CNOT10: variants seen among roughly 807,000 people sequenced by gnomAD.
The protein encoded by CNOT10 is CCR4-NOT transcription complex subunit 10.
CNOT10 carries 30 observed loss-of-function variants against 94.6 expected under a neutral mutation model. The observed-to-expected ratio is 0.32, with a 90% CI of 0.24 to 0.43. The LOEUF (loss-of-function observed/expected upper bound fraction) is 0.43, where lower values mean the gene tolerates loss of function less well. Among genes scored for constraint, CNOT10 ranks in the 20% least tolerant of loss-of-function variants. CNOT10 has a pLI of 1.00. For synonymous variants in CNOT10, 289 were observed against 301.6 expected (o/e 0.96, Z 0.43); for missense variants, 759 against 877.2 (o/e 0.87, Z 1.70).
At chr3:32,751,019 G>GA (rs1344914392) in intron 13 of CNOT10, among the ~76,000 whole-genome samples, 1 of 152,036 alleles carries the variant, frequency 6.6e-6, no homozygotes. Context: ...TAACAGAACT[G>GA]AAAAAGGTAG....
At chr3:32,716,699 G>A (rs1213108432) in intron 6 of CNOT10, among the ~76,000 whole-genome samples, 1 of 152,186 alleles carries the variant, frequency 6.6e-6, no homozygotes, top group Non-Finnish European at 1.5e-5. Flanking sequence ...CCAAGCTGCA[G>A]TGCAATGGTG....
intron 13 of CNOT10, among the ~76,000 whole-genome samples, chr3:32,743,906 C>T (rs115944161): frequency 0.011 from 1,657 of 152,032 alleles, 13 homozygotes; most frequent in Admixed American, 0.015. Context: ...GGAATGCCGT[C>T]ATCATAAAGT....
At chr3:32,718,540 C>T (rs1377569095) in intron 7 of CNOT10, among the ~76,000 whole-genome samples, 5 of 138,680 alleles carry the variant, frequency 3.6e-5, no homozygotes, top group African/African-American at 1.1e-4. Flanking sequence ...GCCGAGACCG[C>T]GCCACTGCAC....
intron 13 of CNOT10, among the ~76,000 whole-genome samples, chr3:32,738,466 T>C (rs1456545302): frequency 9.4e-6 from 1 of 106,686 alleles, no homozygotes; most frequent in African/African-American, 3.5e-5. Flanking sequence ...TTTATATTTC[T>C]TTTTTTTTTT....
At chr3:32,728,553 G>C (rs1197715532) in intron 10 of CNOT10, among the ~76,000 whole-genome samples, 1 of 151,916 alleles carries the variant, frequency 6.6e-6, no homozygotes, top group Non-Finnish European at 1.5e-5. Context: ...GTGGAGGTTG[G>C]AGTGAGACCA....
intron 1 of CNOT10, among the ~76,000 whole-genome samples, chr3:32,698,218 C>G (rs1697169034): frequency 6.6e-6 from 1 of 152,208 alleles, no homozygotes; most frequent in African/African-American, 2.4e-5. Flanking sequence ...TAACTCTTAG[C>G]TTTTCCTCCT....
At chr3:32,772,512 A>T (rs1416001016) in intron 18 of CNOT10, among the ~76,000 whole-genome samples, 1 of 151,862 alleles carries the variant, frequency 6.6e-6, no homozygotes, top group African/African-American at 2.4e-5. Context: ...ATATAGTGAG[A>T]CCCTGTCTCT....
rs1396482171 is a variant in CNOT10, at chr3:32,687,525, C to T, written c.22+2043C>T. On this transcript the variant is annotated intron_variant, in intron 1 of 18. Coordinates refer to ENST00000328834, the MANE Select transcript of CNOT10 (RefSeq NM_015442.3). The stretch of plus-strand genomic sequence containing the variant: ...GGAGTGCAGTGGTGCGATATCGGCT[C>T]ATTGCAAGCTCCGCCTCCCGGGTTC... 2.4e-5 allele frequency among the ~76,000 whole-genome samples: 3 copies of T among 127,222 alleles called. No individual in the cohort carries two copies. The East Asian group carries it at 7.7e-4, about 33-fold the overall frequency. The allele number at this position is 127,222 out of a possible 152,430, so 83.5% of individuals were successfully genotyped here. A position where few individuals can be genotyped will look rare whatever the true frequency, so the allele number is the denominator to read the frequency against.
chr3:32,773,266 G>A (rs1700992105), intron 18 of CNOT10, among the ~76,000 whole-genome samples, 191 bp from the exon 19 acceptor site: 1 of 152,190 alleles, frequency 6.6e-6, no homozygotes, highest in Non-Finnish European at 1.5e-5. Context: ...CCTGGGCCAT[G>A]CCCTACATCG....
At chr3:32,721,642 A>G (rs1358573456) in intron 8 of CNOT10, among the ~76,000 whole-genome samples, 2 of 148,098 alleles carry the variant, frequency 1.4e-5, no homozygotes, top group Admixed American at 1.4e-4. Context: ...GTATTATTAC[A>G]TATTCTTTTT....
At chr3:32,688,948 G>T (rs1467903599) in intron 1 of CNOT10, among the ~76,000 whole-genome samples, 1 of 152,160 alleles carries the variant, frequency 6.6e-6, no homozygotes, top group African/African-American at 2.4e-5. Context: ...GCTCACGCCT[G>T]TAATCCCAGC....
intron 1 of CNOT10, among the ~76,000 whole-genome samples, chr3:32,701,446 T>C (rs1039249752): frequency 8.5e-5 from 13 of 152,118 alleles, no homozygotes; most frequent in African/African-American, 2.9e-4. Flanking sequence ...CCTAATGATA[T>C]CGTGTAGCTC....
At position 32,717,194 on chromosome 3, in the gene CNOT10, C is replaced by T; in HGVS notation, c.701C>T (p.Ala234Val). 2 of 1,609,906 alleles carry T rather than the reference C, an allele frequency of 1.2e-6. No homozygotes were observed. Among genetic ancestry groups the T allele is most frequent in the South Asian group, 2.2e-5 (2 of 90,462 alleles). Reference sequence around the variant, plus strand: ...TATATCCAAATGAAGTCTCTGAAAGCATGTAAAAGGGAAATCAAGTCAGTC... The same window carrying T: ...TATATCCAAATGAAGTCTCTGAAAGTATGTAAAAGGGAAATCAAGTCAGTC... Reference protein sequence around the residue: ...RAYIQMKSLKACKREIKSVMN... With the variant: ...RAYIQMKSLKVCKREIKSVMN... The change falls in exon 7 of 19, where the codon GCA (alanine) becomes GTA (valine). Residue 234 changes from alanine (A) to valine (V), a missense_variant. Ala to Val is a moderately conservative substitution (Grantham distance 64). Around this residue, in one of 3 missense-constraint regions of CNOT10, gnomAD observed 682 missense variants for 799.4 expected, o/e 0.85. Coordinates refer to ENST00000328834, the MANE Select transcript of CNOT10 (RefSeq NM_015442.3).
intron 15 of CNOT10, 90 bp from the exon 16 acceptor site, chr3:32,764,365 A>C: frequency 7.5e-7 from 1 of 1,325,892 alleles, no homozygotes; most frequent in Non-Finnish European, 1.1e-6. Flanking sequence ...AGAAAAGAAA[A>C]TATGCCCTCT....
At chr3:32,726,136 G>T (rs533864549) in intron 9 of CNOT10, among the ~76,000 whole-genome samples, 1 of 152,042 alleles carries the variant, frequency 6.6e-6, no homozygotes, top group East Asian at 1.9e-4. Context: ...GTAAAGATAG[G>T]GTTTCACCAT....
At chr3:32,740,938 T>C (rs1280430622) in intron 13 of CNOT10, among the ~76,000 whole-genome samples, 2 of 151,666 alleles carry the variant, frequency 1.3e-5, no homozygotes, top group East Asian at 3.9e-4. Context: ...ACTTCTGGCC[T>C]CAAGCAATCC....
intron 7 of CNOT10, among the ~76,000 whole-genome samples, chr3:32,717,711 C>A (rs1423089750): frequency 1.3e-5 from 2 of 151,930 alleles, no homozygotes; most frequent in African/African-American, 4.8e-5. Context: ...ACTAAAAATA[C>A]AAAAATAAGC....
intron 13 of CNOT10, among the ~76,000 whole-genome samples, chr3:32,747,584 A>G (rs755413605): frequency 3.3e-5 from 5 of 152,012 alleles, no homozygotes; most frequent in Non-Finnish European, 5.9e-5. Flanking sequence ...CTGTACCACA[A>G]ACTTTCACTA....
intron 1 of CNOT10, among the ~76,000 whole-genome samples, chr3:32,687,452 G>GT (rs56091219): frequency 0.023 from 1,369 of 60,340 alleles, 175 homozygotes; most frequent in Non-Finnish European, 0.03. Context: ...TTTTTTTTTT[G>GT]TTTTTTTTTT....
Sources: gnomAD v4.1 joint callset for allele counts (sites outside exome capture counted in the v4.1 genomes callset) on GRCh38, gnomAD v4.1.1 for gene constraint, gnomAD v4.1.1 regional missense constraint, MANE v1.5 for transcripts, NCBI Gene and HGNC (gene_info 2026-07-23, HGNC 2026-07-21) for gene names.